Variants in BRD7 observed in about 807,000 individuals in gnomAD.
BRD7 encodes the protein bromodomain-containing protein 7.
In BRD7, 15 loss-of-function variants were observed where a neutral mutation model predicts 82.1. The ratio of observed to expected loss-of-function variants is 0.18; its 90% confidence interval spans 0.12 to 0.28. The LOEUF (loss-of-function observed/expected upper bound fraction) is 0.28, where lower values mean the gene tolerates loss of function less well. Ranked by LOEUF, BRD7 falls within the 10% of genes least tolerant of loss-of-function variation. BRD7 has a pLI of 1.00. For missense variants in BRD7, 638 were observed against 779.9 expected, an observed-to-expected ratio of 0.82 and a Z score of 2.17; for synonymous variants, 232 against 266.9, an observed-to-expected ratio of 0.87 and a Z score of 1.27.
chr16:50,329,690 C>T (rs1393135433), intron 8 of BRD7, among the ~76,000 whole-genome samples: 1 of 152,080 alleles, frequency 6.6e-6, no homozygotes, highest in Non-Finnish European at 1.5e-5. Context: ...GAAGGGCAGC[C>T]GGCAGCCACT....
chr16:50,320,890 T>C, intron 13 of BRD7, 116 bp from the exon 14 acceptor site: 2 of 716,508 alleles, frequency 2.8e-6, no homozygotes, highest in Non-Finnish European at 4.9e-6. Context: ...CTATTTACTA[T>C]GGAGTCCTAA....
Position 50,333,643 on chromosome 16 carries a change from C to T in BRD7, c.942G>A (p.Glu314=). The T allele has an allele frequency of 6.2e-7, 1 of 1,610,914 alleles. No individual in the cohort carries two copies. The highest frequency in any genetic ancestry group is 8.5e-7 in the Non-Finnish European group (1 of 1,178,942). ...TCACGATGCGGTCAAGCTGCTCCTG[C>T]TCTCTCTCTAAATTATTGCTTTTAA... ...DKFKSNNLER[E]QEQLDRIVKE... The change falls in exon 8 of 17, where the codon GAG becomes GAA. Residue 314 remains glutamate (E), a synonymous_variant. Coordinates refer to ENST00000394688, the MANE Select transcript of BRD7 (RefSeq NM_013263.5).
Position 50,320,645 on chromosome 16 carries a change from C to A in BRD7, c.1612+18G>T. On this transcript the variant is annotated intron_variant, in intron 14 of 16. Transcript: ENST00000394688. ...TACATCATGCAGTGTTTCAATCAAACCCTCTGGAGACACTTACCTTCAGAG... is the reference window on the plus strand; with the variant it reads ...TACATCATGCAGTGTTTCAATCAAAACCTCTGGAGACACTTACCTTCAGAG... 6.3e-7 allele frequency: 1 copy of A among 1,585,744 alleles called. No individual in the cohort carries two copies. Among genetic ancestry groups the A allele is most frequent in the Non-Finnish European group, 8.7e-7 (1 of 1,154,566 alleles).
intron 5 of BRD7, among the ~76,000 whole-genome samples, chr16:50,341,177 T>C (rs1001199497): frequency 2.2e-5 from 3 of 137,216 alleles, no homozygotes; most frequent in Admixed American, 7.2e-5. Context: ...AGACCTTAAG[T>C]ACACACACAC....
chr16:50,320,165 CTA>C, intron 15 of BRD7, 81 bp downstream of exon 15: 2 of 1,537,974 alleles, frequency 1.3e-6, no homozygotes, highest in South Asian at 2.5e-5. Flanking sequence ...CAGCATTACT[CTA>C]TAGTGGCATC....
intron 9 of BRD7, 141 bp from the exon 10 acceptor site, chr16:50,326,532 T>C (rs2037347895): frequency 4.1e-6 from 2 of 482,842 alleles, no homozygotes; most frequent in Admixed American, 3.8e-5. Flanking sequence ...CTACATCCAC[T>C]TTTATAAGAA....
At position 50,320,036 on chromosome 16, in the gene BRD7, A is replaced by T; in HGVS notation, c.1757-6T>A. ...ATTATTGGTCACTTGTTCAGCTAAAAAGAAAAACAAAGTTCCAGATACTAA... is the reference window on the plus strand; with the variant it reads ...ATTATTGGTCACTTGTTCAGCTAAATAGAAAAACAAAGTTCCAGATACTAA... On this transcript the variant is annotated splice_polypyrimidine_tract_variant and splice_region_variant and intron_variant, in intron 15 of 16. Transcript: ENST00000394688. 1 of 1,600,830 alleles carries T rather than the reference A, an allele frequency of 6.2e-7. No homozygotes were observed. Among genetic ancestry groups the T allele is most frequent in the Non-Finnish European group, 8.5e-7 (1 of 1,175,030 alleles).
At position 50,316,956 on chromosome 16, in the gene BRD7, G is replaced by C. The variant is rs1375182427; in HGVS notation, c.*2255C>G. The stretch of plus-strand genomic sequence containing the variant: ...GTCTTGCATACAGGAGCCTTTACAA[G>C]ATGATTATACAGGGTTGCAGATTGG... On this transcript the variant is annotated 3_prime_UTR_variant, in exon 17 of 17. Coordinates refer to ENST00000394688, the MANE Select transcript of BRD7 (RefSeq NM_013263.5). 1 of 152,756 alleles carries C rather than the reference G, an allele frequency of 6.5e-6. No homozygotes were observed. Among genetic ancestry groups the C allele is most frequent in the African/African-American group, 2.4e-5 (1 of 41,454 alleles). 9.5% of individuals were successfully genotyped at this position (152,756 alleles called of 1,614,324 possible). A position where few individuals can be genotyped will look rare whatever the true frequency, so the allele number is the denominator to read the frequency against.
At chr16:50,328,631 T>A (rs746850124) in intron 9 of BRD7, 38 bp downstream of exon 9, 2 of 1,569,142 alleles carry the variant, frequency 1.3e-6, no homozygotes, top group South Asian at 2.3e-5. Flanking sequence ...CTCTGCCAAA[T>A]AGCATCAAGT....
At chr16:50,333,732 A>AC (rs397804855) in intron 7 of BRD7, 35 bp from the exon 8 acceptor site, 6 of 1,455,368 alleles carry the variant, frequency 4.1e-6, no homozygotes, top group Non-Finnish European at 5.7e-6. Context: ...TAAAAAAAAA[A>AC]CAAAGATAAG....
Position 50,325,824 on chromosome 16 carries a change from C to T in BRD7, c.1255G>A (p.Ala419Thr), listed in dbSNP as rs1459372647. Residue 419 changes from alanine (A) to threonine (T), a missense_variant, in exon 11 of 17, where the codon GCA becomes ACA. By Grantham distance (58) the Ala-to-Thr change is moderately conservative. Transcript: ENST00000394688. ...SYAPHYDSTF[A>T]NISKDDSDLI... is the part of the protein sequence containing the mutation. ...TCAGAATCATCCTTGCTGATATTTG[C>T]AAATGTGGAGTCATAATGCGGTGCA... 12 of 1,612,296 alleles carry T rather than the reference C, an allele frequency of 7.4e-6. No individual in the cohort carries two copies. The highest frequency in any genetic ancestry group is 1.7e-5 in the Admixed American group (1 of 59,478).
At position 50,334,814 on chromosome 16, in the gene BRD7, T is replaced by C; in HGVS notation, c.784A>G (p.Thr262Ala). Residue 262 changes from threonine (T) to alanine (A), a missense_variant, in exon 7 of 17, where the codon ACC becomes GCC. Thr to Ala is a moderately conservative substitution (Grantham distance 58). Coordinates refer to ENST00000394688, the MANE Select transcript of BRD7 (RefSeq NM_013263.5). ...KTRKQKDGTDTSQSGEDGGCW... is the reference protein window; with the variant it reads ...KTRKQKDGTDASQSGEDGGCW... ...CCTCCGTCCTCCCCACTCTGTGAGG[T>C]GTCTGTTCCATCTTTCTGCTTTCGA... 4 of 1,614,148 alleles carry C rather than the reference T, an allele frequency of 2.5e-6. No individual in the cohort carries two copies. The highest frequency in any genetic ancestry group is 3.4e-6 in the Non-Finnish European group (4 of 1,179,978).
At chr16:50,320,079 T>C in intron 15 of BRD7, 49 bp from the exon 16 acceptor site, 13 of 1,564,732 alleles carry the variant, frequency 8.3e-6, no homozygotes, top group South Asian at 1.2e-5. Flanking sequence ...TTCCTTTAGA[T>C]AGAGGCATCC....
chr16:50,357,001 A>G (rs540529435), intron 2 of BRD7, among the ~76,000 whole-genome samples: 9 of 152,360 alleles, frequency 5.9e-5, no homozygotes, highest in African/African-American at 2.2e-4. Context: ...TTCTCAAAGC[A>G]TGGTCACCAG....
At position 50,368,783 on chromosome 16, in the gene BRD7, G is replaced by C. The variant is rs775996573; in HGVS notation, c.-9C>G. ...TTGTGCTTCTTGCCCATGTCCGACC[G>C]GGCCCCGGTGCCCGCCCCCCGCGCC... On this transcript the variant is annotated 5_prime_UTR_variant, in exon 1 of 17. Transcript: ENST00000394688. 1 of 1,528,910 alleles carries C rather than the reference G, an allele frequency of 6.5e-7. No individual in the cohort carries two copies. The highest frequency in any genetic ancestry group is 1.4e-5 in the African/African-American group (1 of 69,234). The allele number at this position is 1,528,910 out of a possible 1,614,324, so 94.7% of individuals were successfully genotyped here. A position where few individuals can be genotyped will look rare whatever the true frequency, so the allele number is the denominator to read the frequency against.
chr16:50,349,451 C>A (rs1364323368), intron 5 of BRD7: 2 of 414,242 alleles, frequency 4.8e-6, no homozygotes, highest in South Asian at 3.6e-5. Flanking sequence ...GTGTGTAGCA[C>A]TTCCCCCTTC....
Position 50,319,055 on chromosome 16 carries a change from T to C in BRD7, c.*156A>G. The C allele has an allele frequency of 7.5e-6, 5 of 667,040 alleles. No individual in the cohort carries two copies. The highest frequency in any genetic ancestry group is 1.3e-5 in the Non-Finnish European group (5 of 395,970). The allele number at this position is 667,040 out of a possible 1,614,324, so 41.3% of individuals were successfully genotyped here. ...TCACGAGTCCCAGGTCCAGCTTTATTACCTAATACAAGTCCAACCTCTGGA... is the reference window on the plus strand; with the variant it reads ...TCACGAGTCCCAGGTCCAGCTTTATCACCTAATACAAGTCCAACCTCTGGA... On this transcript the variant is annotated 3_prime_UTR_variant, in exon 17 of 17. Coordinates refer to ENST00000394688, the MANE Select transcript of BRD7 (RefSeq NM_013263.5).
rs1218355001 is a variant in BRD7, at chr16:50,316,368, G to GA, written c.*2842dup. 6.6e-6 allele frequency: 1 copy of GA among 152,482 alleles called. No individual in the cohort carries two copies. The highest frequency in any genetic ancestry group is 1.9e-4 in the East Asian group (1 of 5,318). 9.4% of individuals were successfully genotyped at this position (152,482 alleles called of 1,614,324 possible). On this transcript the variant is annotated 3_prime_UTR_variant, in exon 17 of 17. Transcript: ENST00000394688. ...CAAGCATTCTGGAGAGAGGTGCTTTGAAAGTAAGGTGCGGCCTTTCACCTC... is the reference window on the plus strand; with the variant it reads ...CAAGCATTCTGGAGAGAGGTGCTTTGAAAAGTAAGGTGCGGCCTTTCACCTC...
At position 50,350,921 on chromosome 16, in the gene BRD7, C is replaced by A. The variant is rs181653519; in HGVS notation, c.447-754G>T. On this transcript the variant is annotated intron_variant, in intron 4 of 16. Transcript: ENST00000394688. ...TTGGGGAAGAAGGGTAGGGTCCAGGCAGTGATATTTCCACAGATGAGTATT... is the reference window on the plus strand; with the variant it reads ...TTGGGGAAGAAGGGTAGGGTCCAGGAAGTGATATTTCCACAGATGAGTATT... Among the ~76,000 whole-genome samples, 15 of 152,250 alleles carry A rather than the reference C, an allele frequency of 9.9e-5. No individual in the cohort carries two copies. In the East Asian group the frequency reaches 1.3e-3, roughly 14 times the overall value.
Sources: gnomAD v4.1 joint callset for allele counts (sites outside exome capture counted in the v4.1 genomes callset) on GRCh38, gnomAD v4.1.1 for gene constraint, MANE v1.5 for transcripts, NCBI Gene and HGNC (gene_info 2026-07-23, HGNC 2026-07-21) for gene names.